Variants in ABL2 observed in about 807,000 individuals in gnomAD.
The protein encoded by ABL2 is ABL proto-oncogene 2, non-receptor tyrosine kinase.
A neutral mutation model predicts 107.7 loss-of-function variants in ABL2; 49 were observed. The observed-to-expected ratio is 0.45, with a 90% CI of 0.36 to 0.58. The LOEUF (loss-of-function observed/expected upper bound fraction) is 0.58, where lower values mean the gene tolerates loss of function less well. Ranked by LOEUF, ABL2 falls within the 20% of genes least tolerant of loss-of-function variation. The pLI is 0.00. For missense variants in ABL2, 1,245 were observed against 1,457.0 expected, an observed-to-expected ratio of 0.85 and a Z score of 2.37; for synonymous variants, 549 against 548.6, an observed-to-expected ratio of 1.00 and a Z score of -0.01.
In ABL2 at chr1:179,104,957, C is replaced by T; in HGVS notation, c.*2761G>A. 4.4e-6 allele frequency: 1 copy of T among 225,400 alleles called. No homozygotes were observed. The highest frequency in any genetic ancestry group is 6.4e-5 in the East Asian group (1 of 15,626). The allele number at this position is 225,400 out of a possible 1,614,324, so 14.0% of individuals were successfully genotyped here. A position where few individuals can be genotyped will look rare whatever the true frequency, so the allele number is the denominator to read the frequency against. ...GGTTTGTGTTTAAGCTGGTCCTTTT[C>T]AAGTAGAAAAAGGAAAAACCTAAAT... On this transcript the variant is annotated 3_prime_UTR_variant, in exon 12 of 12. Transcript: ENST00000502732.
chr1:179,122,627 G>A (rs1655336278), intron 4 of ABL2, among the ~76,000 whole-genome samples: 1 of 151,274 alleles, frequency 6.6e-6, no homozygotes, highest in Admixed American at 6.6e-5. Flanking sequence ...CTCAAATTAT[G>A]TATTTTTTCA....
intron 1 of ABL2, among the ~76,000 whole-genome samples, chr1:179,224,521 G>A (rs1282384936): frequency 3.3e-5 from 5 of 151,858 alleles, no homozygotes; most frequent in Non-Finnish European, 5.9e-5. Flanking sequence ...TGCCCACGTC[G>A]GCCTCCCAAA....
chr1:179,132,459 C>T (rs1362083644), intron 2 of ABL2, among the ~76,000 whole-genome samples: 1 of 152,138 alleles, frequency 6.6e-6, no homozygotes, highest in Admixed American at 6.5e-5. Flanking sequence ...CAAAGGCAAA[C>T]TATCCAAATG....
rs1653552810 is a variant in ABL2, at chr1:179,107,589, T to C, written c.*129A>G. On this transcript the variant is annotated 3_prime_UTR_variant, in exon 12 of 12. Coordinates refer to ENST00000502732, the MANE Select transcript of ABL2 (RefSeq NM_007314.4). ...AACTGTAAACGTGAGAACTCAGGGA[T>C]CTGAGGTACTTCACATAAACACACT... 1.4e-6 allele frequency: 2 copies of C among 1,466,328 alleles called. No individual in the cohort carries two copies. The highest frequency in any genetic ancestry group is 5.0e-5 in the Admixed American group (2 of 40,012). 90.8% of individuals were successfully genotyped at this position (1,466,328 alleles called of 1,614,324 possible).
chr1:179,108,422 T>C lies in ABL2; in HGVS notation c.2845A>G (p.Ile949Val). ...TTATTCCCCTGAGAGTCTGTGCCAA[T>C]GAGCTGCACGTCAGCTGGAGTGTGT... Reference protein sequence around the residue: ...LKHTPADVQLIGTDSQGNKFK... With the variant: ...LKHTPADVQLVGTDSQGNKFK... Residue 949 changes from isoleucine to valine, a missense_variant, in exon 12 of 12, where the codon ATT becomes GTT. By Grantham distance (29) the Ile-to-Val change is conservative. This residue lies in a region of ABL2 where 761 missense variants were observed against 766.4 expected (regional missense o/e 0.99). Coordinates refer to ENST00000502732, the MANE Select transcript of ABL2 (RefSeq NM_007314.4). The C allele has an allele frequency of 6.2e-7, 1 of 1,614,016 alleles. No homozygotes were observed. The highest frequency in any genetic ancestry group is 8.5e-7 in the Non-Finnish European group (1 of 1,179,852).
At chr1:179,129,479 G>A (rs750114605) in intron 3 of ABL2, among the ~76,000 whole-genome samples, 31 of 152,066 alleles carry the variant, frequency 2.0e-4, no homozygotes, top group Non-Finnish European at 3.4e-4. Flanking sequence ...TCAGGAGTTC[G>A]AGGCCATCCT....
chr1:179,221,334 T>C (rs1017091878), intron 1 of ABL2, among the ~76,000 whole-genome samples: 1 of 152,198 alleles, frequency 6.6e-6, no homozygotes, highest in African/African-American at 2.4e-5. Context: ...CTCACATTTG[T>C]AGTCCCAGCA....
intron 1 of ABL2, among the ~76,000 whole-genome samples, chr1:179,218,083 T>C (rs972493300): frequency 1.3e-5 from 2 of 152,162 alleles, no homozygotes; most frequent in African/African-American, 2.4e-5. Flanking sequence ...CAGCCCTCAA[T>C]AAATGGCAAT....
Position 179,180,747 on chromosome 1 carries a change from A to C in ABL2, c.158-47373T>G, listed in dbSNP as rs79156567. Among the ~76,000 whole-genome samples the C allele has an allele frequency of 7.1e-3, 1,081 of 152,306 alleles. 18 individuals carry two copies. The East Asian group carries it at 0.078, about 11-fold the overall frequency. Reference sequence around the variant, plus strand: ...TGTTTATTTTATCACAATTTAAAATAATTTTTAAAAGAAAAAAACCATCTG... The same window carrying C: ...TGTTTATTTTATCACAATTTAAAATCATTTTTAAAAGAAAAAAACCATCTG... On this transcript the variant is annotated intron_variant, in intron 1 of 11. Coordinates refer to ENST00000502732, the MANE Select transcript of ABL2 (RefSeq NM_007314.4).
Position 179,108,078 on chromosome 1 carries a change from T to A in ABL2, c.3189A>T (p.Ala1063=). 1 of 1,614,242 alleles carries A rather than the reference T, an allele frequency of 6.2e-7. No homozygotes were observed. Among genetic ancestry groups the A allele is most frequent in the African/African-American group, 1.3e-5 (1 of 75,068 alleles). Residue 1063 remains alanine (A), a synonymous_variant, in exon 12 of 12, where the codon GCA becomes GCT. Coordinates refer to ENST00000502732, the MANE Select transcript of ABL2 (RefSeq NM_007314.4). ...TTTTTCTCAGAGCCACTTTAGTACC[T>A]GCTGTGCCATTGGCCATTTTGGCTG... The part of the protein sequence containing the change: ...ISPAKMANGT[A]GTKVALRKTK...
chr1:179,101,171 T>A lies in ABL2; in HGVS notation c.*6547A>T. 1 of 228,158 alleles carries A rather than the reference T, an allele frequency of 4.4e-6. No individual in the cohort carries two copies. Among genetic ancestry groups the A allele is most frequent in the African/African-American group, 2.2e-5 (1 of 45,128 alleles). 14.1% of individuals were successfully genotyped at this position (228,158 alleles called of 1,614,324 possible). ...CAAGTCTTTTCCTCTCTGAGACTCA[T>A]GAAACCCATCTTTGAAGGCACAAAT... is the stretch of plus-strand genomic sequence containing the variant. On this transcript the variant is annotated 3_prime_UTR_variant, in exon 12 of 12. Transcript: ENST00000502732.
At chr1:179,181,209 A>C (rs1660357354) in intron 1 of ABL2, among the ~76,000 whole-genome samples, 1 of 152,262 alleles carries the variant, frequency 6.6e-6, no homozygotes, top group Non-Finnish European at 1.5e-5. Context: ...GTGTGTTTTC[A>C]ATAAGATCAG....
chr1:179,192,869 G>A lies in ABL2; in HGVS notation c.157+36372C>T, dbSNP rs150509086. Among the ~76,000 whole-genome samples, 139 of 152,136 alleles carry A rather than the reference G, an allele frequency of 9.1e-4. 1 individual carries two copies. The highest frequency in any genetic ancestry group is 1.6e-3 in the Non-Finnish European group (106 of 67,988). ...CTATTTCAAGTACAGAACTTTTCAC[G>A]TATTTTTCTTTAAAGCATTAAGTCA... is the stretch of plus-strand genomic sequence containing the variant. On this transcript the variant is annotated intron_variant, in intron 1 of 11. Transcript: ENST00000502732.
chr1:179,109,499 G>C, intron 11 of ABL2, 58 bp from the exon 12 acceptor site: 1 of 1,539,246 alleles, frequency 6.5e-7, no homozygotes, highest in Non-Finnish European at 8.7e-7. Context: ...TATTACATTT[G>C]AGTTACCGAG....
At chr1:179,166,700 C>T (rs2793792) in intron 1 of ABL2, among the ~76,000 whole-genome samples, 16,030 of 150,218 alleles carry the variant, frequency 0.11, 1,182 homozygotes, top group Non-Finnish European at 0.17. Flanking sequence ...TCGCTTGAAC[C>T]TGGAAGGCAG....
At chr1:179,127,914 A>T (rs1163343684) in intron 3 of ABL2, among the ~76,000 whole-genome samples, 1 of 152,186 alleles carries the variant, frequency 6.6e-6, no homozygotes, top group East Asian at 1.9e-4. Context: ...GCATGCCTGT[A>T]ATCCCAGCTA....
intron 1 of ABL2, among the ~76,000 whole-genome samples, chr1:179,226,390 C>T (rs1663214152): frequency 6.7e-6 from 1 of 149,362 alleles, no homozygotes; most frequent in Non-Finnish European, 1.5e-5. Context: ...CTCACTGCAA[C>T]CTCCACCTCC....
chr1:179,110,276 C>G lies in ABL2; in HGVS notation c.1825+6G>C. On this transcript the variant is annotated splice_donor_region_variant and intron_variant, in intron 11 of 11. Transcript: ENST00000502732. ...ATTTTGATTCTACCTGCTAAGGGAC[C>G]CATACCTGGTGCTAAACTGGAAGCA... 6.2e-7 allele frequency: 1 copy of G among 1,614,162 alleles called. No homozygotes were observed. The highest frequency in any genetic ancestry group is 1.1e-5 in the South Asian group (1 of 91,070).
chr1:179,144,682 TA>T (rs1657869835), intron 1 of ABL2, among the ~76,000 whole-genome samples: 1 of 134,422 alleles, frequency 7.4e-6, no homozygotes, highest in Non-Finnish European at 1.7e-5. Flanking sequence ...TTAATGTAGG[TA>T]ATTATTAACT....
Sources: allele counts gnomAD v4.1 joint callset (sites outside exome capture counted in the v4.1 genomes callset), GRCh38; gene constraint gnomAD v4.1.1; regional missense constraint gnomAD v4.1.1; transcripts MANE v1.5; gene names NCBI Gene and HGNC (gene_info 2026-07-23, HGNC 2026-07-21).